The following DLG2 variants were observed in gnomAD, a reference collection of about 807,000 sequenced individuals.
DLG2 encodes the protein disks large homolog 2.
In DLG2, 45 loss-of-function variants were observed where a neutral mutation model predicts 132.5. The observed-to-expected ratio is 0.34, with a 90% CI of 0.27 to 0.44. DLG2 has a LOEUF of 0.44. Ranked by LOEUF, DLG2 falls within the 20% of genes least tolerant of loss-of-function variation. The pLI is 1.00. For synonymous variants in DLG2, 424 were observed against 419.6 expected, an observed-to-expected ratio of 1.01 and a Z score of -0.13; for missense variants, 1,045 against 1,196.9, an observed-to-expected ratio of 0.87 and a Z score of 1.87.
chr11:84,916,955 G>C (rs1257008964), intron 6 of DLG2, among the ~76,000 whole-genome samples: 2 of 152,112 alleles, frequency 1.3e-5, no homozygotes, highest in Admixed American at 6.5e-5. Context: ...TTCTCAGTGA[G>C]ACCTTCACTA....
At chr11:85,088,964 G>A (rs1593974412) in intron 6 of DLG2, among the ~76,000 whole-genome samples, 1 of 152,086 alleles carries the variant, frequency 6.6e-6, no homozygotes, top group Non-Finnish European at 1.5e-5. Context: ...ATAAAATAAG[G>A]GGTAATATAG....
intron 3 of DLG2, among the ~76,000 whole-genome samples, chr11:85,569,654 A>G (rs1303892728): frequency 6.6e-6 from 1 of 152,196 alleles, no homozygotes; most frequent in African/African-American, 2.4e-5. Flanking sequence ...AATGGAAATT[A>G]AAACCACAAT....
intron 4 of DLG2, among the ~76,000 whole-genome samples, chr11:85,215,672 C>G (rs1215006632): frequency 1.3e-5 from 2 of 152,128 alleles, no homozygotes; most frequent in Non-Finnish European, 2.9e-5. Context: ...CATATATTTA[C>G]AGTTTGCTAC....
chr11:85,060,492 C>T (rs547395415), intron 6 of DLG2, among the ~76,000 whole-genome samples: 11 of 148,828 alleles, frequency 7.4e-5, no homozygotes, highest in African/African-American at 2.5e-4. Flanking sequence ...TATATATATA[C>T]ACGCATATGT....
rs534110099 is a variant in DLG2, at chr11:83,972,833, T to C, written c.1057-7365A>G. ...TACCCACTCTGTGCCAGGCACAGGA[T>C]ATAAGGATGAAAAGCTGGTACAGAA... is the stretch of plus-strand genomic sequence containing the variant. On this transcript the variant is annotated intron_variant, in intron 12 of 27. Coordinates refer to ENST00000376104, the MANE Select transcript of DLG2 (RefSeq NM_001142699.3). 2.6e-5 allele frequency among the ~76,000 whole-genome samples: 4 copies of C among 152,286 alleles called. No individual in the cohort carries two copies. In the East Asian group the frequency reaches 5.8e-4, roughly 22 times the overall value.
At chr11:85,335,767 G>A (rs940320908) in intron 3 of DLG2, among the ~76,000 whole-genome samples, 8 of 151,972 alleles carry the variant, frequency 5.3e-5, no homozygotes, top group South Asian at 2.1e-4. Flanking sequence ...AGATGGGGGC[G>A]GAGGGCATCA....
intron 8 of DLG2, among the ~76,000 whole-genome samples, chr11:84,249,524 A>G (rs1302169513): frequency 2.0e-5 from 3 of 152,210 alleles, no homozygotes; most frequent in Admixed American, 6.5e-5. Context: ...TGACCTCTTT[A>G]TGACTCATTT....
chr11:83,965,487 T>A lies in DLG2; in HGVS notation c.1057-19A>T, dbSNP rs2089964534. The A allele has an allele frequency of 1.9e-6, 3 of 1,588,086 alleles. No homozygotes were observed. The highest frequency in any genetic ancestry group is 2.7e-5 in the African/African-American group (2 of 73,764). Reference sequence around the variant, plus strand: ...TGTTTACCTGAAAGGGTGAAAAAGATCAATATTAGAGTTAAATCTATGGAG... The same window carrying A: ...TGTTTACCTGAAAGGGTGAAAAAGAACAATATTAGAGTTAAATCTATGGAG... On this transcript the variant is annotated intron_variant, in intron 12 of 27. Transcript: ENST00000376104.
chr11:84,164,917 C>T (rs2095627667), intron 8 of DLG2, among the ~76,000 whole-genome samples: 1 of 152,166 alleles, frequency 6.6e-6, no homozygotes, highest in Middle Eastern at 3.2e-3. Flanking sequence ...CTTAATGACT[C>T]ACAGAAAAGG....
rs1030424818 is a variant in DLG2, at chr11:83,460,876, T to C, written c.2822-952A>G. On this transcript the variant is annotated intron_variant, in intron 27 of 27. Coordinates refer to ENST00000376104, the MANE Select transcript of DLG2 (RefSeq NM_001142699.3). ...TCTTGGTTACTGACAGAAAGATTACTTAATATTACCTGATTCAAGATATTT... is the reference window on the plus strand; with the variant it reads ...TCTTGGTTACTGACAGAAAGATTACCTAATATTACCTGATTCAAGATATTT... Among the ~76,000 whole-genome samples the C allele has an allele frequency of 2.6e-5, 4 of 152,176 alleles. No homozygotes were observed. In the East Asian group the frequency reaches 7.7e-4, roughly 29 times the overall value.
At chr11:84,235,742 A>G (rs1197734731) in intron 8 of DLG2, among the ~76,000 whole-genome samples, 1 of 152,094 alleles carries the variant, frequency 6.6e-6, no homozygotes, top group African/African-American at 2.4e-5. Flanking sequence ...AATTTAGCAA[A>G]TTAACTTTTA....
chr11:85,350,458 G>C (rs182290987), intron 3 of DLG2, among the ~76,000 whole-genome samples: 1 of 152,264 alleles, frequency 6.6e-6, no homozygotes, highest in East Asian at 1.9e-4. Flanking sequence ...ATTGCTTTTG[G>C]TGTTTTAGTC....
At chr11:85,031,726 A>C (rs2061014377) in intron 6 of DLG2, among the ~76,000 whole-genome samples, 1 of 152,096 alleles carries the variant, frequency 6.6e-6, no homozygotes, top group Non-Finnish European at 1.5e-5. Context: ...AATAATGTAG[A>C]ATTGGAGTCT....
chr11:84,289,132 C>T (rs900230574), intron 7 of DLG2, among the ~76,000 whole-genome samples: 2 of 151,946 alleles, frequency 1.3e-5, no homozygotes, highest in African/African-American at 2.4e-5. Flanking sequence ...GGAAAACTGC[C>T]ATGATGAAGA....
intron 7 of DLG2, among the ~76,000 whole-genome samples, chr11:84,274,219 C>T (rs140613255): frequency 2.0e-5 from 3 of 152,290 alleles, no homozygotes; most frequent in East Asian, 3.9e-4. Flanking sequence ...CTCCACCAGT[C>T]CCTAATGTCT....
At chr11:84,242,374 C>T (rs2097241692) in intron 8 of DLG2, among the ~76,000 whole-genome samples, 1 of 151,596 alleles carries the variant, frequency 6.6e-6, no homozygotes, top group Admixed American at 6.6e-5. Context: ...TTTGTTTTGA[C>T]TTGGCTTTTA....
intron 7 of DLG2, among the ~76,000 whole-genome samples, chr11:84,269,072 G>C (rs1031939777): frequency 2.0e-5 from 3 of 152,140 alleles, no homozygotes; most frequent in Non-Finnish European, 2.9e-5. Context: ...GATAATTGAT[G>C]TTTATCTGTG....
At chr11:83,511,073 A>AACACACACACACAG (rs2094996019) in intron 21 of DLG2, among the ~76,000 whole-genome samples, 2 of 88,410 alleles carry the variant, frequency 2.3e-5, no homozygotes, top group Non-Finnish European at 5.1e-5. Context: ...CACTTGCTCA[A>AACACACACACACAG]ACACACACAC....
chr11:84,124,643 C>T (rs575649589), intron 9 of DLG2, among the ~76,000 whole-genome samples: 30 of 152,156 alleles, frequency 2.0e-4, no homozygotes, highest in African/African-American at 7.2e-4. Context: ...CAGTCCCACA[C>T]GGTACATGTC....
Sources: gnomAD v4.1 joint callset for allele counts (sites outside exome capture counted in the v4.1 genomes callset) on GRCh38, gnomAD v4.1.1 for gene constraint, MANE v1.5 for transcripts, NCBI Gene and HGNC (gene_info 2026-07-23, HGNC 2026-07-21) for gene names.